SCHIP1: variants seen among roughly 807,000 people sequenced by gnomAD.
SCHIP1 encodes the protein schwannomin-interacting protein 1.
A neutral mutation model predicts 29.7 loss-of-function variants in SCHIP1; 8 were observed. The ratio of observed to expected loss-of-function variants is 0.27; its 90% CI spans 0.16 to 0.49. SCHIP1 has a LOEUF of 0.49. Among genes scored for constraint, SCHIP1 ranks in the 20% least tolerant of loss-of-function variants. The pLI is 0.99. For synonymous variants in SCHIP1, 76 were observed against 94.9 expected (o/e 0.80, Z 1.16); for missense variants, 193 against 294.6 (o/e 0.66, Z 2.52).
chr3:159,303,902 T>C, the SCHIP1 span, among the ~76,000 whole-genome samples: 1 of 152,188 alleles, frequency 6.6e-6, no homozygotes, highest in East Asian at 1.9e-4. Flanking sequence ...AGGGTACATG[T>C]GCACATTGTG....
chr3:159,382,698 G>C, the SCHIP1 span, among the ~76,000 whole-genome samples: 9 of 151,372 alleles, frequency 5.9e-5, no homozygotes, highest in African/African-American at 1.2e-4. Flanking sequence ...TTCCACAATG[G>C]TTGAACTAGT....
intron 1 of SCHIP1, among the ~76,000 whole-genome samples, chr3:159,847,970 T>G (rs1260447821): frequency 1.3e-5 from 2 of 152,040 alleles, no homozygotes; most frequent in Non-Finnish European, 2.9e-5. Flanking sequence ...GAGAAGGCAG[T>G]GGGAGATGAA....
At chr3:159,425,458 A>G in the SCHIP1 span, among the ~76,000 whole-genome samples, 1 of 152,028 alleles carries the variant, frequency 6.6e-6, no homozygotes, top group Non-Finnish European at 1.5e-5. Flanking sequence ...CCATTACATA[A>G]TGGTAAAGGG....
At chr3:159,358,537 G>T in the SCHIP1 span, among the ~76,000 whole-genome samples, 1 of 152,182 alleles carries the variant, frequency 6.6e-6, no homozygotes, top group Non-Finnish European at 1.5e-5. Context: ...TGCTGCAGGG[G>T]CTGGTGGGAA....
chr3:159,277,490 GACCTGTGAATGGAATA>G, the SCHIP1 span, among the ~76,000 whole-genome samples: 18 of 152,148 alleles, frequency 1.2e-4, no homozygotes, highest in Admixed American at 1.0e-3. Context: ...AGAAGATAAA[GACCTGTGAATGGAATA>G]ATAATTTGGA....
At chr3:159,696,015 C>T in the SCHIP1 span, among the ~76,000 whole-genome samples, 2 of 152,174 alleles carry the variant, frequency 1.3e-5, no homozygotes, top group African/African-American at 4.8e-5. Context: ...CCTATCAACA[C>T]CCATCACCAA....
chr3:159,620,804 A>T, the SCHIP1 span, among the ~76,000 whole-genome samples: 1 of 152,182 alleles, frequency 6.6e-6, no homozygotes, highest in African/African-American at 2.4e-5. Flanking sequence ...TAACAGAACC[A>T]TGGAGGATCA....
At chr3:159,763,033 C>T in the SCHIP1 span, among the ~76,000 whole-genome samples, 1 of 152,310 alleles carries the variant, frequency 6.6e-6, no homozygotes, top group East Asian at 1.9e-4. Flanking sequence ...TCCTTTCTCG[C>T]ACTTACCCTC....
chr3:159,274,489 A>T, the SCHIP1 span: 1 of 718,218 alleles, frequency 1.4e-6, no homozygotes, highest in South Asian at 6.4e-5. Flanking sequence ...CTATTGAAAT[A>T]GTACTTTTAG....
At chr3:159,559,279 C>A in the SCHIP1 span, among the ~76,000 whole-genome samples, 1 of 152,114 alleles carries the variant, frequency 6.6e-6, no homozygotes, top group Non-Finnish European at 1.5e-5. Flanking sequence ...AATTTCTTTC[C>A]CATTAGTATA....
the SCHIP1 span, among the ~76,000 whole-genome samples, chr3:159,424,976 C>A: frequency 6.6e-6 from 1 of 151,974 alleles, no homozygotes; most frequent in Non-Finnish European, 1.5e-5. Context: ...AAATACTTTA[C>A]AGACAAGCAA....
chr3:159,793,840 G>A, the SCHIP1 span, among the ~76,000 whole-genome samples: 1 of 152,194 alleles, frequency 6.6e-6, no homozygotes, highest in East Asian at 1.9e-4. Flanking sequence ...TTACAAGCGT[G>A]AGCCACTGTG....
At chr3:159,302,960 T>C in the SCHIP1 span, among the ~76,000 whole-genome samples, 1 of 152,188 alleles carries the variant, frequency 6.6e-6, no homozygotes, top group Non-Finnish European at 1.5e-5. Flanking sequence ...GGAACACAAA[T>C]AATAAAAGCT....
chr3:159,535,095 T>G, the SCHIP1 span, among the ~76,000 whole-genome samples: 1 of 152,192 alleles, frequency 6.6e-6, no homozygotes, highest in Admixed American at 6.5e-5. Flanking sequence ...GCACCCTTGA[T>G]GTACCAGGAT....
At chr3:159,765,911 G>C in the SCHIP1 span, among the ~76,000 whole-genome samples, 4 of 152,082 alleles carry the variant, frequency 2.6e-5, no homozygotes, top group Non-Finnish European at 4.4e-5. Flanking sequence ...ACAGGGAGGG[G>C]TGCTGGAGTG....
chr3:159,622,103 G>A, the SCHIP1 span, among the ~76,000 whole-genome samples: 5 of 152,164 alleles, frequency 3.3e-5, no homozygotes, highest in Non-Finnish European at 7.3e-5. Flanking sequence ...AGATTCACAA[G>A]GCAATTCCAA....
the SCHIP1 span, among the ~76,000 whole-genome samples, chr3:159,729,574 AG>A: frequency 6.6e-6 from 1 of 152,228 alleles, no homozygotes; most frequent in Non-Finnish European, 1.5e-5. Context: ...ATAATGAAAA[AG>A]TTCCCATTTA....
chr3:159,816,328 G>A, the SCHIP1 span, among the ~76,000 whole-genome samples: 1 of 152,224 alleles, frequency 6.6e-6, no homozygotes, highest in East Asian at 1.9e-4. Flanking sequence ...CTGAAGTGCA[G>A]TGGTGCAGTC....
intron 5 of SCHIP1, among the ~76,000 whole-genome samples, chr3:159,889,542 A>T (rs192665157): frequency 8.5e-4 from 129 of 152,322 alleles, no homozygotes; most frequent in African/African-American, 2.6e-3. Flanking sequence ...TGAAAGAGAG[A>T]ACATTCTCAC....
Sources: allele counts gnomAD v4.1 joint callset (sites outside exome capture counted in the v4.1 genomes callset), GRCh38; gene constraint gnomAD v4.1.1; transcripts MANE v1.5; gene names NCBI Gene and HGNC (gene_info 2026-07-23, HGNC 2026-07-21).